The following AQP8 variants were observed in gnomAD, a reference collection of about 807,000 sequenced individuals.
AQP8 encodes aquaporin-8.
A neutral mutation model predicts 26.1 loss-of-function variants in AQP8; 14 were observed. The ratio of observed to expected loss-of-function variants is 0.54; its 90% CI spans 0.35 to 0.84. The LOEUF (loss-of-function observed/expected upper bound fraction) is 0.84, where lower values mean the gene tolerates loss of function less well. Among genes scored for constraint, AQP8 ranks in the 40% least tolerant of loss-of-function variants. AQP8 has a pLI of 0.01. For missense variants in AQP8, 301 were observed against 340.5 expected (o/e 0.88, Z 0.91); for synonymous variants, 131 against 150.7 (o/e 0.87, Z 0.96).
rs1962665507 is a variant in AQP8, at chr16:25,228,532, A to G, written c.*40A>G. 6.2e-7 allele frequency: 1 copy of G among 1,608,962 alleles called. No homozygotes were observed. The highest frequency in any genetic ancestry group is 1.3e-5 in the African/African-American group (1 of 74,976). The stretch of plus-strand genomic sequence containing the variant: ...GATTCCTGCTGCTCCAGGTGTCCTC[A>G]GCTCACCTGTCCCAGACTGAGGACA... On this transcript the variant is annotated 3_prime_UTR_variant, in exon 6 of 6. Coordinates refer to ENST00000219660, the MANE Select transcript of AQP8 (RefSeq NM_001169.3).
At chr16:25,218,736 T>C (rs544304056) in intron 2 of AQP8, among the ~76,000 whole-genome samples, 2,387 of 146,916 alleles carry the variant, frequency 0.016, 45 homozygotes, top group Middle Eastern at 0.025. Context: ...AAAAATTAGC[T>C]GGGCGTGGGG....
At chr16:25,227,275 A>G (rs1391517923) in intron 5 of AQP8, 73 bp downstream of exon 5, 2 of 1,590,084 alleles carry the variant, frequency 1.3e-6, no homozygotes, top group Non-Finnish European at 1.7e-6. Flanking sequence ...GTCCGGGACT[A>G]GAGGGCTAGG....
At chr16:25,217,806 G>A (rs1179376350) in intron 2 of AQP8, among the ~76,000 whole-genome samples, 4 of 152,034 alleles carry the variant, frequency 2.6e-5, no homozygotes, top group African/African-American at 9.7e-5. Flanking sequence ...GGGATTACAG[G>A]CATGAGACAC....
chr16:25,222,593 T>G (rs1962577457), intron 3 of AQP8, among the ~76,000 whole-genome samples: 1 of 152,052 alleles, frequency 6.6e-6, no homozygotes, highest in Non-Finnish European at 1.5e-5. Flanking sequence ...TCCCTCTCTT[T>G]CTTTCTTTTC....
rs1962505412 is a variant in AQP8, at chr16:25,217,572, T to C, written c.260+127T>C. On this transcript the variant is annotated intron_variant, in intron 2 of 5. Coordinates refer to ENST00000219660, the MANE Select transcript of AQP8 (RefSeq NM_001169.3). Reference sequence around the variant, plus strand: ...TTTCAAGGAGCGCTCTGGATAACTATGGGGTTGGGAGTCAGACTGGGGTCA... The same window carrying C: ...TTTCAAGGAGCGCTCTGGATAACTACGGGGTTGGGAGTCAGACTGGGGTCA... 3.0e-6 allele frequency: 4 copies of C among 1,343,100 alleles called. No homozygotes were observed. In the Admixed American group the frequency reaches 9.1e-5, roughly 31 times the overall value. 83.2% of individuals were successfully genotyped at this position (1,343,100 alleles called of 1,614,324 possible). A position where few individuals can be genotyped will look rare whatever the true frequency, so the allele number is the denominator to read the frequency against.
chr16:25,216,967 G>A lies in AQP8; in HGVS notation c.-79G>A. 6.3e-7 allele frequency: 1 copy of A among 1,595,632 alleles called. No homozygotes were observed. Among genetic ancestry groups the A allele is most frequent in the South Asian group, 1.1e-5 (1 of 90,206 alleles). The stretch of plus-strand genomic sequence containing the variant: ...TGATCAGCAGGTCCTGTCCCTAGGA[G>A]ATAAGAGTATCTTGCACAGCAGGTG... On this transcript the variant is annotated 5_prime_UTR_variant, in exon 1 of 6. Coordinates refer to ENST00000219660, the MANE Select transcript of AQP8 (RefSeq NM_001169.3).
intron 4 of AQP8, among the ~76,000 whole-genome samples, chr16:25,225,941 C>T (rs1319299350): frequency 1.3e-5 from 2 of 152,138 alleles, no homozygotes; most frequent in Non-Finnish European, 2.9e-5. Context: ...GGTGTGGGCT[C>T]CATTTGCATT....
At chr16:25,227,319 C>A in intron 5 of AQP8, 117 bp downstream of exon 5, 3 of 1,376,488 alleles carry the variant, frequency 2.2e-6, no homozygotes, top group East Asian at 2.4e-5. Flanking sequence ...AAAGAGGGAG[C>A]CTCTTTAGAG....
intron 2 of AQP8, 92 bp downstream of exon 2, chr16:25,217,537 G>A (rs1962504981): frequency 4.6e-6 from 7 of 1,519,840 alleles, no homozygotes; most frequent in Admixed American, 4.0e-5. Flanking sequence ...GGGCGCATAC[G>A]TATTCGGGAT....
chr16:25,228,762 T>C lies in AQP8; in HGVS notation c.*270T>C. On this transcript the variant is annotated 3_prime_UTR_variant, in exon 6 of 6. Transcript: ENST00000219660. Reference sequence around the variant, plus strand: ...CAGTGCAAACACCACAACACGAGCGTGTTTCTTGAGAGGAATGTCCCCGAG... The same window carrying C: ...CAGTGCAAACACCACAACACGAGCGCGTTTCTTGAGAGGAATGTCCCCGAG... 3.0e-6 allele frequency: 1 copy of C among 338,204 alleles called. No individual in the cohort carries two copies. The allele number at this position is 338,204 out of a possible 1,614,324, so 21.0% of individuals were successfully genotyped here.
chr16:25,227,818 G>A (rs1010808229), intron 5 of AQP8, among the ~76,000 whole-genome samples: 2 of 151,588 alleles, frequency 1.3e-5, no homozygotes, highest in Non-Finnish European at 1.5e-5. Context: ...TAGAGATGGG[G>A]CTTCACCATG....
chr16:25,224,849 T>TA (rs1191384757), intron 4 of AQP8, among the ~76,000 whole-genome samples: 11 of 152,218 alleles, frequency 7.2e-5, no homozygotes, highest in Admixed American at 2.0e-4. Context: ...TTTAAATCTG[T>TA]ATGTGATGTT....
chr16:25,217,492 G>T, intron 2 of AQP8, 47 bp downstream of exon 2: 1 of 1,599,032 alleles, frequency 6.3e-7, no homozygotes. Context: ...TTGGGGCACT[G>T]GGTGTGGAAA....
In AQP8 at chr16:25,219,582, G is replaced by A. The variant is rs148157186; in HGVS notation, c.261-1875G>A. Among the ~76,000 whole-genome samples, 5 of 151,602 alleles carry A rather than the reference G, an allele frequency of 3.3e-5. 1 individual carries two copies. The highest frequency in any genetic ancestry group is 1.2e-4 in the African/African-American group (5 of 41,206). ...CCCTCCTGATAGAGCCATGCTCTGG[G>A]TGACAGTTTCTCTCCCCTTTGGGGC... On this transcript the variant is annotated intron_variant, in intron 2 of 5. Transcript: ENST00000219660.
At chr16:25,227,568 C>T (rs1467013732) in intron 5 of AQP8, among the ~76,000 whole-genome samples, 4 of 152,074 alleles carry the variant, frequency 2.6e-5, no homozygotes, top group Non-Finnish European at 5.9e-5. Context: ...TGGCTTATTG[C>T]AACCTCCGCC....
chr16:25,222,652 G>A (rs139225909), intron 3 of AQP8, among the ~76,000 whole-genome samples: 2 of 151,628 alleles, frequency 1.3e-5, no homozygotes, highest in Non-Finnish European at 2.9e-5. Context: ...AGCCCTTCAA[G>A]ATGTGGGCCT....
intron 5 of AQP8, among the ~76,000 whole-genome samples, chr16:25,228,184 T>G (rs966759211): frequency 2.6e-5 from 4 of 151,788 alleles, no homozygotes; most frequent in Non-Finnish European, 4.4e-5. Flanking sequence ...TGAGAATTGC[T>G]TGAACCCAGG....
rs1008226244 is a variant in AQP8 at position 25,221,483 on chromosome 16, C to T, written c.287C>T (p.Ser96Phe). ...GGTGGACACTTCAACCCTGCGGTGT[C>T]CCTGGCAGCCATGCTGATCGGAGGC... ...ISGGHFNPAV[S>F]LAAMLIGGLN... is the part of the protein sequence containing the mutation. Residue 96 changes from serine to phenylalanine, a missense_variant, in exon 3 of 6, where the codon TCC becomes TTC. Ser to Phe is a radical substitution (Grantham distance 155). Transcript: ENST00000219660. The T allele has an allele frequency of 7.4e-6, 12 of 1,614,004 alleles. No individual in the cohort carries two copies. Among genetic ancestry groups the T allele is most frequent in the South Asian group, 3.3e-5 (3 of 91,088 alleles).
intron 3 of AQP8, among the ~76,000 whole-genome samples, chr16:25,223,291 A>T (rs1597629268): frequency 1.3e-5 from 2 of 152,262 alleles, no homozygotes; most frequent in Admixed American, 1.3e-4. Context: ...CCGATCGCCC[A>T]TAGAAATAAT....
Sources: allele counts gnomAD v4.1 joint callset (sites outside exome capture counted in the v4.1 genomes callset), GRCh38; gene constraint gnomAD v4.1.1; transcripts MANE v1.5; gene names NCBI Gene and HGNC (gene_info 2026-07-23, HGNC 2026-07-21).